Variants in AMD1 observed in about 807,000 individuals in gnomAD.
The protein encoded by AMD1 is S-adenosylmethionine decarboxylase proenzyme.
AMD1 carries 11 observed loss-of-function variants against 40.2 expected under a neutral mutation model. The ratio of observed to expected loss-of-function variants is 0.27; its 90% CI spans 0.17 to 0.45. AMD1 has a LOEUF of 0.45. AMD1 is among the 20% of genes least tolerant of loss of function. The probability of loss-of-function intolerance (pLI) is 1.00; values close to 1 mark genes in which losing one functional copy is unlikely to be tolerated. For missense variants in AMD1, 257 were observed against 410.2 expected, an observed-to-expected ratio of 0.63 and a Z score of 3.23; for synonymous variants, 121 against 130.8, an observed-to-expected ratio of 0.93 and a Z score of 0.51.
chr6:110,858,904 G>A, the AMD1 span: 4 of 865,634 alleles, frequency 4.6e-6, no homozygotes, highest in African/African-American at 3.3e-5. Context: ...TGGGCATGAC[G>A]GCTCCGGGAC....
intron 1 of AMD1, among the ~76,000 whole-genome samples, chr6:110,882,823 A>T (rs1216726965): frequency 6.6e-6 from 1 of 152,234 alleles, no homozygotes; most frequent in African/African-American, 2.4e-5. Context: ...ATGAGTGAGT[A>T]TAAGAGCATT....
the AMD1 span, among the ~76,000 whole-genome samples, chr6:110,859,468 T>C: frequency 6.6e-6 from 1 of 152,130 alleles, no homozygotes; most frequent in South Asian, 2.1e-4. Context: ...TCCCCGAAGG[T>C]TTCCGGTTCC....
intron 1 of AMD1, among the ~76,000 whole-genome samples, chr6:110,878,242 T>A (rs1370987957): frequency 6.6e-6 from 1 of 152,200 alleles, no homozygotes; most frequent in East Asian, 1.9e-4. Context: ...TACACGATAT[T>A]TACCTTTCAT....
At chr6:110,863,662 G>A in the AMD1 span, among the ~76,000 whole-genome samples, 5 of 151,870 alleles carry the variant, frequency 3.3e-5, no homozygotes, top group East Asian at 5.9e-4. Flanking sequence ...GAGCCACCGC[G>A]CCCGGCCTGA....
At chr6:110,893,338 C>T (rs545138810) in intron 8 of AMD1, 138 bp from the exon 9 acceptor site, 2 of 1,236,790 alleles carry the variant, frequency 1.6e-6, no homozygotes, top group African/African-American at 1.5e-5. Context: ...GCCCTGGCCC[C>T]TCCAGCACAT....
chr6:110,841,465 A>G, the AMD1 span, among the ~76,000 whole-genome samples: 2 of 152,232 alleles, frequency 1.3e-5, no homozygotes, highest in Admixed American at 6.5e-5. Flanking sequence ...CTCGCAGCCT[A>G]TGCCCCTTCC....
chr6:110,815,233 G>T, the AMD1 span: 1 of 1,172,008 alleles, frequency 8.5e-7, no homozygotes, highest in Non-Finnish European at 1.1e-6. Context: ...TTCTCCAACA[G>T]CCGCCTCTCG....
chr6:110,845,181 G>A, the AMD1 span, among the ~76,000 whole-genome samples: 1 of 151,764 alleles, frequency 6.6e-6, no homozygotes, highest in African/African-American at 2.4e-5. Flanking sequence ...TGAGATTACA[G>A]GCGTGAGCCA....
the AMD1 span, among the ~76,000 whole-genome samples, chr6:110,866,794 T>C: frequency 2.9e-3 from 448 of 152,056 alleles, no homozygotes; most frequent in South Asian, 6.9e-3. Context: ...GTGGTATCGG[T>C]TTCTGAGCTC....
the AMD1 span, among the ~76,000 whole-genome samples, chr6:110,842,589 T>C: frequency 6.6e-6 from 1 of 152,100 alleles, no homozygotes; most frequent in Non-Finnish European, 1.5e-5. Context: ...GCAGTAATAG[T>C]AGTAGTAGTC....
At chr6:110,836,963 G>A in the AMD1 span, among the ~76,000 whole-genome samples, 1 of 151,854 alleles carries the variant, frequency 6.6e-6, no homozygotes, top group African/African-American at 2.4e-5. Context: ...AGACCAACCT[G>A]GGCAACATAA....
chr6:110,857,134 C>A, the AMD1 span, among the ~76,000 whole-genome samples: 1 of 151,958 alleles, frequency 6.6e-6, no homozygotes, highest in Non-Finnish European at 1.5e-5. Flanking sequence ...CACTGCACTT[C>A]AGCCTGGGCA....
At chr6:110,823,951 G>C in the AMD1 span, among the ~76,000 whole-genome samples, 9 of 152,252 alleles carry the variant, frequency 5.9e-5, no homozygotes, top group African/African-American at 2.2e-4. Context: ...AAAAGGGAAT[G>C]CTTATACACT....
the AMD1 span, among the ~76,000 whole-genome samples, chr6:110,828,625 C>T: frequency 2.6e-5 from 4 of 152,112 alleles, no homozygotes; most frequent in South Asian, 2.1e-4. Flanking sequence ...GATGGGAATA[C>T]TAAGCAAAAT....
chr6:110,859,529 G>A, the AMD1 span, among the ~76,000 whole-genome samples: 2 of 152,120 alleles, frequency 1.3e-5, no homozygotes, highest in South Asian at 2.1e-4. Context: ...TTCTGTACCC[G>A]CAAAAGTTTC....
At chr6:110,865,716 C>A in the AMD1 span, among the ~76,000 whole-genome samples, 1 of 151,548 alleles carries the variant, frequency 6.6e-6, no homozygotes. Flanking sequence ...TAGTTTAATT[C>A]TATTAAAATG....
chr6:110,825,638 T>A, the AMD1 span, among the ~76,000 whole-genome samples: 2 of 152,198 alleles, frequency 1.3e-5, no homozygotes, highest in Non-Finnish European at 2.9e-5. Context: ...AGTCTGCCAG[T>A]AACAGTTATC....
chr6:110,841,365 A>AGCT, the AMD1 span, among the ~76,000 whole-genome samples: 1 of 152,240 alleles, frequency 6.6e-6, no homozygotes, highest in Non-Finnish European at 1.5e-5. Context: ...TAACCTATGT[A>AGCT]GCTGTTAGAT....
At chr6:110,862,900 G>A in the AMD1 span, among the ~76,000 whole-genome samples, 43 of 152,096 alleles carry the variant, frequency 2.8e-4, 1 homozygote, top group Admixed American at 2.6e-3. Flanking sequence ...TGGTCCTCAC[G>A]ATAGGAAAAC....
Sources: allele counts gnomAD v4.1 joint callset (sites outside exome capture counted in the v4.1 genomes callset), GRCh38; gene constraint gnomAD v4.1.1; transcripts MANE v1.5; gene names NCBI Gene and HGNC (gene_info 2026-07-23, HGNC 2026-07-21).